ASTN2: variants seen among roughly 807,000 people sequenced by gnomAD.
ASTN2 encodes astrotactin 2, also known as astrotactin-2.
In ASTN2, 54 loss-of-function variants were observed where a neutral mutation model predicts 139.8. The observed-to-expected ratio is 0.39, with a 90% confidence interval of 0.31 to 0.48. The LOEUF is 0.48. Ranked by LOEUF, ASTN2 falls within the 20% of genes least tolerant of loss-of-function variation. The pLI, the probability that ASTN2 is intolerant of heterozygous loss-of-function variation, is 0.95. For synonymous variants in ASTN2, 756 were observed against 719.5 expected, an observed-to-expected ratio of 1.05 and a Z score of -0.81; for missense variants, 1,565 against 1,725.1, an observed-to-expected ratio of 0.91 and a Z score of 1.64.
rs559245365 is a variant in ASTN2, at chr9:116,592,032, T to C, written c.3355+26292A>G. On this transcript the variant is annotated intron_variant, in intron 19 of 22. Transcript: ENST00000313400. ...CTTGGATATCAAAATTTGCAGTGGC[T>C]CAAGTCTCATATATAAAATGGCATA... 3.3e-5 allele frequency among the ~76,000 whole-genome samples: 5 copies of C among 152,280 alleles called. 1 individual carries two copies. The East Asian group carries it at 9.6e-4, about 29-fold the overall frequency.
chr9:117,290,110 C>T (rs942215003), intron 2 of ASTN2, among the ~76,000 whole-genome samples: 11 of 152,194 alleles, frequency 7.2e-5, no homozygotes, highest in Admixed American at 5.9e-4. Context: ...CTCTGCTCTG[C>T]TGAGTGGCTT....
At chr9:116,705,145 AATT>A (rs1456384467) in intron 16 of ASTN2, among the ~76,000 whole-genome samples, 1 of 152,150 alleles carries the variant, frequency 6.6e-6, no homozygotes, top group Non-Finnish European at 1.5e-5. Flanking sequence ...TGTTTCCCTC[AATT>A]ATTAGCTCTA....
At chr9:116,866,870 G>A (rs1352706594) in intron 10 of ASTN2, among the ~76,000 whole-genome samples, 3 of 135,720 alleles carry the variant, frequency 2.2e-5, no homozygotes, top group East Asian at 2.1e-4. Context: ...TCTAGCCTAG[G>A]TGACACAGCG....
chr9:116,504,709 C>T (rs912950034), intron 19 of ASTN2, among the ~76,000 whole-genome samples: 11 of 151,790 alleles, frequency 7.2e-5, no homozygotes, highest in Non-Finnish European at 1.0e-4. Flanking sequence ...CCAGCCTGGG[C>T]GACATAGTAA....
chr9:117,032,039 G>T (rs555089147), intron 6 of ASTN2, among the ~76,000 whole-genome samples: 6 of 152,262 alleles, frequency 3.9e-5, no homozygotes, highest in African/African-American at 1.2e-4. Flanking sequence ...CAGTTTTCAG[G>T]ACTGTGGCAG....
intron 10 of ASTN2, among the ~76,000 whole-genome samples, chr9:116,891,232 G>C: frequency 6.6e-6 from 1 of 152,168 alleles, no homozygotes; most frequent in East Asian, 1.9e-4. Flanking sequence ...AAAATTCTCT[G>C]CTGAAAGAAA....
chr9:116,802,053 C>A (rs1436304365), intron 13 of ASTN2, among the ~76,000 whole-genome samples: 2 of 150,770 alleles, frequency 1.3e-5, no homozygotes, highest in African/African-American at 2.4e-5. Flanking sequence ...CCTAGGCCAG[C>A]CTTTAAGGGG....
chr9:116,821,062 C>A (rs758403751), intron 11 of ASTN2, among the ~76,000 whole-genome samples: 2 of 152,158 alleles, frequency 1.3e-5, no homozygotes, highest in Non-Finnish European at 2.9e-5. Context: ...AACACTGGCT[C>A]ACACGGCAAC....
intron 17 of ASTN2, among the ~76,000 whole-genome samples, chr9:116,648,528 G>A (rs1857726696): frequency 6.6e-6 from 1 of 152,120 alleles, no homozygotes; most frequent in South Asian, 2.1e-4. Context: ...CCTGCAGCTG[G>A]AGGTGTGGAG....
At chr9:117,152,651 A>G (rs990548253) in intron 3 of ASTN2, among the ~76,000 whole-genome samples, 12 of 152,182 alleles carry the variant, frequency 7.9e-5, no homozygotes, top group African/African-American at 2.9e-4. Flanking sequence ...ACAGATTTAT[A>G]TTAAACTGTT....
At chr9:116,728,878 T>A in intron 15 of ASTN2, 114 bp downstream of exon 15, 2 of 829,534 alleles carry the variant, frequency 2.4e-6, no homozygotes, top group East Asian at 5.4e-5. Flanking sequence ...AGAGGATGCA[T>A]CCTCATTTCC....
chr9:116,668,103 C>A (rs928475986), intron 16 of ASTN2, among the ~76,000 whole-genome samples: 5 of 152,198 alleles, frequency 3.3e-5, no homozygotes, highest in Middle Eastern at 3.4e-3. Context: ...TCCTGGAAAC[C>A]TGGAAACTCC....
chr9:116,789,316 A>C (rs1036171592), intron 13 of ASTN2, among the ~76,000 whole-genome samples: 1 of 152,190 alleles, frequency 6.6e-6, no homozygotes, highest in Non-Finnish European at 1.5e-5. Context: ...TCAGGCATAC[A>C]ATGAATTAAC....
intron 6 of ASTN2, among the ~76,000 whole-genome samples, chr9:117,016,770 T>C (rs1837721392): frequency 7.1e-6 from 1 of 141,006 alleles, no homozygotes; most frequent in Non-Finnish European, 1.5e-5. Flanking sequence ...AGGTTATATA[T>C]AGGTTTTATA....
intron 5 of ASTN2, among the ~76,000 whole-genome samples, chr9:117,077,822 A>G (rs944744264): frequency 2.6e-5 from 4 of 152,168 alleles, no homozygotes; most frequent in Admixed American, 2.6e-4. Context: ...GCTGCTAAGG[A>G]CCTTAAAGGA....
chr9:116,431,306 G>A (rs779374755), intron 22 of ASTN2, among the ~76,000 whole-genome samples: 5 of 152,102 alleles, frequency 3.3e-5, no homozygotes, highest in South Asian at 2.1e-4. Context: ...CCTGCCTTAC[G>A]GAGTTGAGCT....
At chr9:117,395,917 A>T (rs1240502818) in intron 1 of ASTN2, among the ~76,000 whole-genome samples, 1 of 152,244 alleles carries the variant, frequency 6.6e-6, no homozygotes, top group Non-Finnish European at 1.5e-5. Flanking sequence ...AATCTATAGA[A>T]CATTCCTGGT....
chr9:117,386,135 G>A (rs375966643), intron 1 of ASTN2, among the ~76,000 whole-genome samples: 5 of 151,780 alleles, frequency 3.3e-5, no homozygotes, highest in African/African-American at 1.2e-4. Flanking sequence ...AAGATCAGGA[G>A]GAAAGGAGGG....
intron 1 of ASTN2, among the ~76,000 whole-genome samples, 198 bp from the exon 2 acceptor site, chr9:117,291,711 G>A (rs1834598849): frequency 6.6e-6 from 1 of 152,208 alleles, no homozygotes. Context: ...TTCACCTAAA[G>A]TAACAGAGTA....
Sources: gnomAD v4.1 joint callset for allele counts (sites outside exome capture counted in the v4.1 genomes callset) on GRCh38, gnomAD v4.1.1 for gene constraint, MANE v1.5 for transcripts, NCBI Gene and HGNC (gene_info 2026-07-23, HGNC 2026-07-21) for gene names.